CPLX1: variants seen among roughly 807,000 people sequenced by gnomAD.
CPLX1 encodes complexin 1.
CPLX1 carries 6 observed loss-of-function variants against 15.6 expected under a neutral mutation model. The observed-to-expected ratio is 0.39, with a 90% CI of 0.21 to 0.76. CPLX1 has a LOEUF of 0.76. Among genes scored for constraint, CPLX1 ranks in the 30% least tolerant of loss-of-function variants. The pLI is 0.43. For missense variants in CPLX1, 242 were observed against 188.6 expected, an observed-to-expected ratio of 1.28 and a Z score of -1.66; for synonymous variants, 91 against 75.2, an observed-to-expected ratio of 1.21 and a Z score of -1.08.
intron 2 of CPLX1, among the ~76,000 whole-genome samples, chr4:813,852 C>A (rs1480968566): frequency 6.6e-6 from 1 of 152,170 alleles, no homozygotes; most frequent in African/African-American, 2.4e-5. Flanking sequence ...TACAGGTAAG[C>A]CCAGAATTCC....
intron 2 of CPLX1, among the ~76,000 whole-genome samples, chr4:795,053 C>T (rs1746291921): frequency 6.6e-6 from 1 of 152,244 alleles, no homozygotes; most frequent in South Asian, 2.1e-4. Flanking sequence ...ATTCGTGCTC[C>T]CCGCAGGCTG....
At chr4:802,090 A>G (rs145222337) in intron 2 of CPLX1, among the ~76,000 whole-genome samples, 22 of 152,354 alleles carry the variant, frequency 1.4e-4, no homozygotes, top group African/African-American at 5.3e-4. Context: ...AGTTCACACA[A>G]TGGCAGGAAC....
chr4:807,727 G>T (rs1320631329), intron 2 of CPLX1, among the ~76,000 whole-genome samples: 5 of 151,970 alleles, frequency 3.3e-5, no homozygotes, highest in Non-Finnish European at 2.9e-5. Context: ...CAGGTGATCC[G>T]CCGTCCTCGG....
In CPLX1 at chr4:786,567, GTCC is replaced by G. The variant is rs1211272300; in HGVS notation, c.336_338del (p.Glu112del). 3 of 1,609,846 alleles carry G rather than the reference GTCC, an allele frequency of 1.9e-6. No homozygotes were observed. The highest frequency in any genetic ancestry group is 2.5e-6 in the Non-Finnish European group (3 of 1,178,348). ...TGATGACGGTGTCCAGGATGCTCTC[GTCC>G]TCCTCCTCCACCTCGTCCCCGCAGC... On this transcript the variant is annotated inframe_deletion, in exon 4 of 4. Transcript: ENST00000304062.
chr4:801,728 A>G (rs1746464215), intron 2 of CPLX1, among the ~76,000 whole-genome samples: 1 of 152,260 alleles, frequency 6.6e-6, no homozygotes, highest in African/African-American at 2.4e-5. Context: ...CTAATGACAC[A>G]GTCCTCAGAA....
chr4:810,489 G>A (rs377104769), intron 2 of CPLX1, among the ~76,000 whole-genome samples: 4 of 152,198 alleles, frequency 2.6e-5, no homozygotes, highest in Non-Finnish European at 2.9e-5. Context: ...TCCCACTGGA[G>A]AGCATGAGGG....
At chr4:815,446 G>C in intron 2 of CPLX1, among the ~76,000 whole-genome samples, 1 of 140,902 alleles carries the variant, frequency 7.1e-6, no homozygotes, top group East Asian at 2.1e-4. Flanking sequence ...ACAGAACAAA[G>C]AAAAGACTTT....
intron 2 of CPLX1, among the ~76,000 whole-genome samples, chr4:812,361 G>A (rs1293298110): frequency 6.6e-6 from 1 of 152,204 alleles, no homozygotes; most frequent in Non-Finnish European, 1.5e-5. Context: ...ACAGGCAGGA[G>A]CCACCGCACC....
Position 824,126 on chromosome 4 carries a change from T to C in CPLX1, c.31+366A>G, listed in dbSNP as rs2152649181. Among the ~76,000 whole-genome samples the C allele has an allele frequency of 1.3e-5, 2 of 152,356 alleles. 1 individual carries two copies. The highest frequency in any genetic ancestry group is 4.1e-4 in the South Asian group (2 of 4,832). On this transcript the variant is annotated intron_variant, in intron 2 of 3. Coordinates refer to ENST00000304062, the MANE Select transcript of CPLX1 (RefSeq NM_006651.4). ...TCTGGAAGGAAGCCCCCTTGGGGGC[T>C]GCCCAGCCTGGCCAGTTAGAATTGG...
chr4:800,798 TAC>T (rs1306499821), intron 2 of CPLX1, among the ~76,000 whole-genome samples: 2 of 144,290 alleles, frequency 1.4e-5, no homozygotes, highest in African/African-American at 2.5e-5. Flanking sequence ...TGTATATACA[TAC>T]ACACACGTAT....
intron 2 of CPLX1, among the ~76,000 whole-genome samples, chr4:803,861 G>T (rs1003225300): frequency 3.9e-5 from 6 of 151,942 alleles, no homozygotes; most frequent in African/African-American, 1.5e-4. Context: ...GCAGAGATGG[G>T]GTTTCACCAT....
In CPLX1 at chr4:805,015, C is replaced by T. The variant is rs558862145; in HGVS notation, c.32-12407G>A. ...TCCTCTGTGGAGAAACGTGCCCACGCACGCTCGCGCACCGTCTGTCTCGGC... is the reference window on the plus strand; with the variant it reads ...TCCTCTGTGGAGAAACGTGCCCACGTACGCTCGCGCACCGTCTGTCTCGGC... On this transcript the variant is annotated intron_variant, in intron 2 of 3. Coordinates refer to ENST00000304062, the MANE Select transcript of CPLX1 (RefSeq NM_006651.4). 49 of 803,306 alleles carry T rather than the reference C, an allele frequency of 6.1e-5. No individual in the cohort carries two copies. In the African/African-American group the frequency reaches 8.2e-4, roughly 13 times the overall value. The allele number at this position is 803,306 out of a possible 1,614,324, so 49.8% of individuals were successfully genotyped here. A position where few individuals can be genotyped will look rare whatever the true frequency, so the allele number is the denominator to read the frequency against.
chr4:817,708 C>T lies in CPLX1; in HGVS notation c.31+6784G>A, dbSNP rs544114546. On this transcript the variant is annotated intron_variant, in intron 2 of 3. Transcript: ENST00000304062. Reference sequence around the variant, plus strand: ...CCTACCCACTGATGACTGCAGTGACCGCCCCCTTCCCTCACGCCCCCTTGG... The same window carrying T: ...CCTACCCACTGATGACTGCAGTGACTGCCCCCTTCCCTCACGCCCCCTTGG... Among the ~76,000 whole-genome samples, 6 of 150,782 alleles carry T rather than the reference C, an allele frequency of 4.0e-5. No homozygotes were observed. In the South Asian group the frequency reaches 8.3e-4, roughly 21 times the overall value.
chr4:787,636 A>G (rs1232941152), intron 3 of CPLX1: 2 of 963,320 alleles, frequency 2.1e-6, no homozygotes, highest in Admixed American at 1.2e-4. Context: ...CGCCAGACGC[A>G]GGAAGGGGCA....
intron 2 of CPLX1, among the ~76,000 whole-genome samples, chr4:797,359 G>C (rs1746362014): frequency 6.6e-6 from 1 of 152,150 alleles, no homozygotes; most frequent in Non-Finnish European, 1.5e-5. Flanking sequence ...AAATAGTCTA[G>C]CTCTGTCGCC....
In CPLX1 at chr4:824,566, C is replaced by G. The variant is rs1431382806; in HGVS notation, c.-44G>C. 1 of 1,608,092 alleles carries G rather than the reference C, an allele frequency of 6.2e-7. No individual in the cohort carries two copies. The highest frequency in any genetic ancestry group is 1.3e-5 in the African/African-American group (1 of 74,848). On this transcript the variant is annotated 5_prime_UTR_variant, in exon 2 of 4. Coordinates refer to ENST00000304062, the MANE Select transcript of CPLX1 (RefSeq NM_006651.4). ...ACAGTGGCTCCTCCAGGGGTCAGAA[C>G]TCACACGCAAGTATGGCCGGGAGCG...
intron 3 of CPLX1, among the ~76,000 whole-genome samples, chr4:790,717 C>T (rs2152642494): frequency 6.6e-6 from 1 of 152,250 alleles, no homozygotes; most frequent in South Asian, 2.1e-4. Context: ...CGGACCCACA[C>T]ATAGCCCTCC....
chr4:804,928 C>T, intron 2 of CPLX1: 1 of 932,494 alleles, frequency 1.1e-6, no homozygotes, highest in Non-Finnish European at 1.3e-6. Context: ...TGCGTCGCCG[C>T]GAGCACGTGC....
intron 2 of CPLX1, among the ~76,000 whole-genome samples, chr4:811,931 T>G (rs996448755): frequency 5.9e-5 from 9 of 152,210 alleles, no homozygotes; most frequent in Non-Finnish European, 1.2e-4. Context: ...TTAGCTGACC[T>G]CTTAATCACC....
Sources: gnomAD v4.1 joint callset for allele counts (sites outside exome capture counted in the v4.1 genomes callset) on GRCh38, gnomAD v4.1.1 for gene constraint, MANE v1.5 for transcripts, NCBI Gene and HGNC (gene_info 2026-07-23, HGNC 2026-07-21) for gene names.